Variants in AGPAT4 observed in about 807,000 individuals in gnomAD.
AGPAT4 encodes 1-acyl-sn-glycerol-3-phosphate acyltransferase delta.
A neutral mutation model predicts 48.0 loss-of-function variants in AGPAT4; 15 were observed. The observed-to-expected ratio is 0.31, with a 90% CI of 0.21 to 0.48. The LOEUF (loss-of-function observed/expected upper bound fraction) is 0.48, where lower values mean the gene tolerates loss of function less well. Among genes scored for constraint, AGPAT4 ranks in the 20% least tolerant of loss-of-function variants. AGPAT4 has a pLI of 0.99. For synonymous variants in AGPAT4, 178 were observed against 198.7 expected, an observed-to-expected ratio of 0.90 and a Z score of 0.88; for missense variants, 314 against 482.5, an observed-to-expected ratio of 0.65 and a Z score of 3.27.
chr6:161,146,146 T>C lies in AGPAT4; in HGVS notation c.843+378A>G, dbSNP rs1344812718. ...TTTATCCTGCTTATTCTGGAGATGC[T>C]TTGAGATCAGATTGACAACCAAATT... On this transcript the variant is annotated intron_variant, in intron 7 of 8. Coordinates refer to ENST00000320285, the MANE Select transcript of AGPAT4 (RefSeq NM_020133.3). The surrounding 1 kb of genome is among the most constrained non-coding windows in gnomAD (Gnocchi z 7.1). Among the ~76,000 whole-genome samples, 1 of 151,484 alleles carries C rather than the reference T, an allele frequency of 6.6e-6. No individual in the cohort carries two copies.
rs764276165 is a variant in AGPAT4, at chr6:161,178,799, C to A, written c.179-12382G>T. On this transcript the variant is annotated intron_variant, in intron 2 of 8. Coordinates refer to ENST00000320285, the MANE Select transcript of AGPAT4 (RefSeq NM_020133.3). This position sits in a 1 kb window ranked among gnomAD's most constrained non-coding sequence, Gnocchi z 5.1. ...GTCATATTTTTAAAATTTCAGTTTG[C>A]CCAATTTTGCAGATGTTGTTTTGAC... Among the ~76,000 whole-genome samples, 4 of 152,214 alleles carry A rather than the reference C, an allele frequency of 2.6e-5. No homozygotes were observed. The highest frequency in any genetic ancestry group is 5.9e-5 in the Non-Finnish European group (4 of 68,044).
At position 161,215,725 on chromosome 6, in the gene AGPAT4, A is replaced by C. The variant is rs1394838257; in HGVS notation, c.178+16311T>G. 3.3e-5 allele frequency among the ~76,000 whole-genome samples: 5 copies of C among 152,228 alleles called. No homozygotes were observed. In the South Asian group the frequency reaches 6.2e-4, roughly 19 times the overall value. On this transcript the variant is annotated intron_variant, in intron 2 of 8. Coordinates refer to ENST00000320285, the MANE Select transcript of AGPAT4 (RefSeq NM_020133.3). This position sits in a 1 kb window ranked among gnomAD's most constrained non-coding sequence, Gnocchi z 4.5. ...CTTACCATAAAAAAAAAAAAAAAGA[A>C]AACACAAAAACACAAGATCCAAGTT... is the stretch of plus-strand genomic sequence containing the variant.
At position 161,234,640 on chromosome 6, in the gene AGPAT4, T is replaced by C. The variant is rs987283776; in HGVS notation, c.-89-2338A>G. 3.3e-5 allele frequency among the ~76,000 whole-genome samples: 5 copies of C among 152,144 alleles called. No homozygotes were observed. The highest frequency in any genetic ancestry group is 1.2e-4 in the African/African-American group (5 of 41,428). ...TTTGATGTTGAATATTCATGCAATT[T>C]GTTCATTGTCCCCGGATTAGCCACT... On this transcript the variant is annotated intron_variant, in intron 1 of 8. Coordinates refer to ENST00000320285, the MANE Select transcript of AGPAT4 (RefSeq NM_020133.3). This position sits in a 1 kb window ranked among gnomAD's most constrained non-coding sequence, Gnocchi z 4.4.
At position 161,184,074 on chromosome 6, in the gene AGPAT4, T is replaced by C. The variant is rs1303519634; in HGVS notation, c.179-17657A>G. 6.6e-6 allele frequency among the ~76,000 whole-genome samples: 1 copy of C among 151,940 alleles called. No individual in the cohort carries two copies. Among genetic ancestry groups the C allele is most frequent in the Non-Finnish European group, 1.5e-5 (1 of 67,996 alleles). On this transcript the variant is annotated intron_variant, in intron 2 of 8. Coordinates refer to ENST00000320285, the MANE Select transcript of AGPAT4 (RefSeq NM_020133.3). This position sits in a 1 kb window ranked among gnomAD's most constrained non-coding sequence, Gnocchi z 4.8. ...TACTAGAACCTGTGCCACAAAGGGA[T>C]TGGTTTTGCCCACTGGTGTACATCC...
At position 161,161,370 on chromosome 6, in the gene AGPAT4, CA is replaced by C. The variant is rs1779929887; in HGVS notation, c.348+4877del. 1 of 456,638 alleles carries C rather than the reference CA, an allele frequency of 2.2e-6. No individual in the cohort carries two copies. Among genetic ancestry groups the C allele is most frequent in the Non-Finnish European group, 4.4e-6 (1 of 226,978 alleles). The allele number at this position is 456,638 out of a possible 1,614,324, so 28.3% of individuals were successfully genotyped here. A position where few individuals can be genotyped will look rare whatever the true frequency, so the allele number is the denominator to read the frequency against. ...GTGGTTCGCCTGCTACCTCGGTCGT[CA>C]CCATTATCGGGTTCCTCATCCATGT... On this transcript the variant is annotated intron_variant, in intron 3 of 8. Transcript: ENST00000320285. The surrounding 1 kb of genome is among the most constrained non-coding windows in gnomAD (Gnocchi z 4.6).
chr6:161,160,163 T>C (rs1003915942), intron 3 of AGPAT4: 5 of 145,452 alleles, frequency 3.4e-5, no homozygotes, highest in African/African-American at 1.0e-4. Flanking sequence ...GGTTTCAACA[T>C]GTTGGCCAGG....
intron 2 of AGPAT4, among the ~76,000 whole-genome samples, chr6:161,181,510 C>CGGGGG (rs554688385): frequency 8.9e-6 from 1 of 112,122 alleles, no homozygotes; most frequent in Non-Finnish European, 2.2e-5. Context: ...TAGCAGGGGG[C>CGGGGG]GGGGGGCGCT....
intron 1 of AGPAT4, among the ~76,000 whole-genome samples, chr6:161,248,842 G>A (rs1782734794): frequency 6.6e-6 from 1 of 151,992 alleles, no homozygotes; most frequent in South Asian, 2.1e-4. Flanking sequence ...AATTCATATG[G>A]AACCAAAAAA....
chr6:161,211,582 T>TCCAA (rs1370356003), intron 2 of AGPAT4, among the ~76,000 whole-genome samples: 2 of 152,042 alleles, frequency 1.3e-5, no homozygotes, highest in African/African-American at 4.8e-5. Flanking sequence ...AACTAGAAAG[T>TCCAA]CCAAGCATGT....
At chr6:161,136,681 C>T (rs1358704763) in intron 8 of AGPAT4, 47 bp from the exon 9 acceptor site, 5 of 1,542,166 alleles carry the variant, frequency 3.2e-6, no homozygotes, top group Non-Finnish European at 4.5e-6. Context: ...AAACAGACTA[C>T]AGGGCCGTTT....
chr6:161,226,748 G>A lies in AGPAT4; in HGVS notation c.178+5288C>T, dbSNP rs1781992610. 6.6e-6 allele frequency among the ~76,000 whole-genome samples: 1 copy of A among 152,210 alleles called. No homozygotes were observed. Among genetic ancestry groups the A allele is most frequent in the Admixed American group, 6.5e-5 (1 of 15,280 alleles). The stretch of plus-strand genomic sequence containing the variant: ...GATTCCCCACAGAGAGGTTACCATA[G>A]AGGAGGCTCCTGAGAGGCCACCTTG... On this transcript the variant is annotated intron_variant, in intron 2 of 8. Transcript: ENST00000320285. The surrounding 1 kb of genome is among the most constrained non-coding windows in gnomAD (Gnocchi z 6.3).
rs577315328 is a variant in AGPAT4 at position 161,232,993 on chromosome 6, A to G, written c.-89-691T>C. 4.6e-5 allele frequency among the ~76,000 whole-genome samples: 7 copies of G among 152,280 alleles called. No homozygotes were observed. In the South Asian group the frequency reaches 1.2e-3, roughly 27 times the overall value. On this transcript the variant is annotated intron_variant, in intron 1 of 8. Coordinates refer to ENST00000320285, the MANE Select transcript of AGPAT4 (RefSeq NM_020133.3). This position sits in a 1 kb window ranked among gnomAD's most constrained non-coding sequence, Gnocchi z 6.8. ...ATTTGTAGAATGATTTAGTGAAGGT[A>G]CACGAGGGCTCAACTTTGAGGCTAT...
chr6:161,148,037 G>C lies in AGPAT4; in HGVS notation c.767+1150C>G, dbSNP rs905771879. On this transcript the variant is annotated intron_variant, in intron 6 of 8. Transcript: ENST00000320285. This position sits in a 1 kb window ranked among gnomAD's most constrained non-coding sequence, Gnocchi z 5.5. ...GTCACACATGCTTTGGAGAGTTGCAGCTACCTGAGAGGTGAAATAATCTTG... is the reference window on the plus strand; with the variant it reads ...GTCACACATGCTTTGGAGAGTTGCACCTACCTGAGAGGTGAAATAATCTTG... Among the ~76,000 whole-genome samples the C allele has an allele frequency of 5.9e-5, 9 of 152,330 alleles. No homozygotes were observed. The highest frequency in any genetic ancestry group is 1.3e-4 in the Non-Finnish European group (9 of 68,040).
In AGPAT4 at chr6:161,263,489, G is replaced by A. The variant is rs113846756; in HGVS notation, c.-90+10449C>T. Among the ~76,000 whole-genome samples the A allele has an allele frequency of 2.6e-3, 402 of 152,096 alleles. 3 individuals are homozygous for A. Among genetic ancestry groups the A allele is most frequent in the African/African-American group, 9.2e-3 (383 of 41,508 alleles). On this transcript the variant is annotated intron_variant, in intron 1 of 8. Coordinates refer to ENST00000320285, the MANE Select transcript of AGPAT4 (RefSeq NM_020133.3). ...CTGGACAACAGAGCGAGACTCTCTC[G>A]AAAAACAAAAACAAACAAGAAAAAG...
Position 161,202,667 on chromosome 6 carries a change from C to T in AGPAT4, c.178+29369G>A, listed in dbSNP as rs1038506969. Among the ~76,000 whole-genome samples, 1 of 152,016 alleles carries T rather than the reference C, an allele frequency of 6.6e-6. No homozygotes were observed. The highest frequency in any genetic ancestry group is 2.4e-5 in the African/African-American group (1 of 41,390). On this transcript the variant is annotated intron_variant, in intron 2 of 8. Coordinates refer to ENST00000320285, the MANE Select transcript of AGPAT4 (RefSeq NM_020133.3). The surrounding 1 kb of genome is among the most constrained non-coding windows in gnomAD (Gnocchi z 5.4). ...GGCTCTTCTAGAATGTAAGTCATTC[C>T]CCCATCGAGAGGTAAAATGGAATTT...
At position 161,165,425 on chromosome 6, in the gene AGPAT4, A is replaced by G. The variant is rs1780066251; in HGVS notation, c.348+823T>C. 6.6e-6 allele frequency among the ~76,000 whole-genome samples: 1 copy of G among 152,146 alleles called. No homozygotes were observed. Among genetic ancestry groups the G allele is most frequent in the African/African-American group, 2.4e-5 (1 of 41,422 alleles). On this transcript the variant is annotated intron_variant, in intron 3 of 8. Transcript: ENST00000320285. The surrounding 1 kb of genome is among the most constrained non-coding windows in gnomAD (Gnocchi z 5.5). ...GATTTTGTCTTCAGGGGCTACCAAA[A>G]AGCAAGGTGATTTCAGCAGCCCCCG... is the stretch of plus-strand genomic sequence containing the variant.
At chr6:161,241,093 T>A (rs1049717807) in intron 1 of AGPAT4, among the ~76,000 whole-genome samples, 3 of 151,628 alleles carry the variant, frequency 2.0e-5, no homozygotes, top group African/African-American at 7.3e-5. Flanking sequence ...GAAACCCCCA[T>A]CTCTACTAAA....
chr6:161,265,151 C>A (rs371571552), intron 1 of AGPAT4, among the ~76,000 whole-genome samples: 5 of 134,698 alleles, frequency 3.7e-5, no homozygotes, highest in Non-Finnish European at 3.2e-5. Context: ...TAGTACCCAC[C>A]GCTGGACTGG....
rs1319021937 is a variant in AGPAT4 at position 161,146,100 on chromosome 6, C to A, written c.843+424G>T. On this transcript the variant is annotated intron_variant, in intron 7 of 8. Transcript: ENST00000320285. This position sits in a 1 kb window ranked among gnomAD's most constrained non-coding sequence, Gnocchi z 7.1. ...CAGCAGGTTCGAACCCAGCCAAGAC[C>A]AAGGTGGATCCTTGTAGGGCTTTAT... Among the ~76,000 whole-genome samples the A allele has an allele frequency of 1.3e-5, 2 of 151,602 alleles. No homozygotes were observed. Among genetic ancestry groups the A allele is most frequent in the Non-Finnish European group, 2.9e-5 (2 of 68,028 alleles).
Sources: allele counts gnomAD v4.1 joint callset (sites outside exome capture counted in the v4.1 genomes callset), GRCh38; gene constraint gnomAD v4.1.1; non-coding constraint Gnocchi (gnomAD v3.1); transcripts MANE v1.5; gene names NCBI Gene and HGNC (gene_info 2026-07-23, HGNC 2026-07-21).